The following MED13 variants were observed in gnomAD, a reference collection of about 807,000 sequenced individuals.
MED13 encodes the protein mediator complex subunit 13, also known as mediator of RNA polymerase II transcription subunit 13.
In MED13, 23 loss-of-function variants were observed where a neutral mutation model predicts 225.2. The observed-to-expected ratio is 0.10, with a 90% CI of 0.07 to 0.14. The LOEUF (loss-of-function observed/expected upper bound fraction) is 0.14. Among genes scored for constraint, MED13 ranks in the 10% least tolerant of loss-of-function variants. The pLI is 1.00. For missense variants in MED13, 2,197 were observed against 2,594.5 expected (o/e 0.85, Z 3.33); for synonymous variants, 942 against 889.2 (o/e 1.06, Z -1.06).
intron 3 of MED13, among the ~76,000 whole-genome samples, chr17:62,048,043 C>CATATACATATACATATACAT (rs776069700): frequency 1.7e-3 from 222 of 131,130 alleles, no homozygotes; most frequent in Middle Eastern, 0.012. Context: ...TATACATATA[C>CATATACATATACATATACAT]ATATATATAT....
At chr17:62,008,094 G>T (rs529677641) in intron 9 of MED13, among the ~76,000 whole-genome samples, 3 of 150,192 alleles carry the variant, frequency 2.0e-5, no homozygotes, top group Non-Finnish European at 4.4e-5. Flanking sequence ...GGGGCGGGCG[G>T]ATCATGAGGT....
At chr17:62,022,364 AAAGC>A (rs1474832279) in intron 8 of MED13, among the ~76,000 whole-genome samples, 1 of 151,794 alleles carries the variant, frequency 6.6e-6, no homozygotes, top group East Asian at 1.9e-4. Flanking sequence ...CTTTTTTTTT[AAAGC>A]AAGCACAAGC....
intron 9 of MED13, chr17:62,005,004 A>T (rs2080432954): frequency 6.7e-6 from 1 of 150,256 alleles, no homozygotes; most frequent in East Asian, 2.0e-4. Flanking sequence ...TGTTCAAACG[A>T]TTCTCCTTAG....
chr17:62,065,136 T>C lies in MED13; in HGVS notation c.66+4A>G. 6 of 1,561,238 alleles carry C rather than the reference T, an allele frequency of 3.8e-6. No individual in the cohort carries two copies. Among genetic ancestry groups the C allele is most frequent in the Non-Finnish European group, 4.3e-6 (5 of 1,155,696 alleles). On this transcript the variant is annotated splice_donor_region_variant and intron_variant, in intron 1 of 29. Coordinates refer to ENST00000397786, the MANE Select transcript of MED13 (RefSeq NM_005121.3). Reference sequence around the variant, plus strand: ...CCTCGGCGCCCGCCGGCCCCGGCACTCACCAGGCAGAAGAGGTTACAGTGA... The same window carrying C: ...CCTCGGCGCCCGCCGGCCCCGGCACCCACCAGGCAGAAGAGGTTACAGTGA...
In MED13 at chr17:61,952,571, C is replaced by T. The variant is rs191946372; in HGVS notation, c.6117+394G>A. Among the ~76,000 whole-genome samples the T allele has an allele frequency of 1.7e-3, 265 of 152,254 alleles. No homozygotes were observed. The Middle Eastern group carries it at 0.034, about 20-fold the overall frequency. ...TCTTAAAAATGTGCAATTCAAAGTACTGATGTCCATGATGTAGAAATGCAT... is the reference window on the plus strand; with the variant it reads ...TCTTAAAAATGTGCAATTCAAAGTATTGATGTCCATGATGTAGAAATGCAT... On this transcript the variant is annotated intron_variant, in intron 27 of 29. Coordinates refer to ENST00000397786, the MANE Select transcript of MED13 (RefSeq NM_005121.3).
intron 16 of MED13, among the ~76,000 whole-genome samples, chr17:61,973,110 G>A (rs745815737): frequency 1.3e-5 from 2 of 152,104 alleles, no homozygotes; most frequent in Admixed American, 6.6e-5. Context: ...AAAAGTTACT[G>A]TAACTTATTT....
intron 11 of MED13, among the ~76,000 whole-genome samples, chr17:61,990,106 G>A (rs2080282217): frequency 6.6e-6 from 1 of 152,064 alleles, no homozygotes; most frequent in Admixed American, 6.6e-5. Context: ...ACCAGAAGAT[G>A]ACTTACTTTG....
At chr17:61,955,978 G>A (rs900007484) in intron 24 of MED13, 140 bp from the exon 25 acceptor site, 32 of 1,301,808 alleles carry the variant, frequency 2.5e-5, no homozygotes, top group African/African-American at 4.6e-5. Flanking sequence ...CCTCCAACAC[G>A]AGTCATCATC....
chr17:61,984,963 C>A, intron 13 of MED13, 37 bp downstream of exon 13: 3 of 1,604,542 alleles, frequency 1.9e-6, no homozygotes, highest in Admixed American at 3.4e-5. Context: ...ATTAAAAGTT[C>A]GCAAATTTAT....
intron 16 of MED13, among the ~76,000 whole-genome samples, chr17:61,981,650 T>C (rs1451519298): frequency 1.3e-5 from 2 of 152,250 alleles, no homozygotes; most frequent in Non-Finnish European, 2.9e-5. Context: ...AGTTTTCCCA[T>C]ATGCTATCTC....
At chr17:61,959,627 G>T (rs1182567500) in intron 23 of MED13, among the ~76,000 whole-genome samples, 1 of 150,858 alleles carries the variant, frequency 6.6e-6, no homozygotes, top group South Asian at 2.1e-4. Flanking sequence ...CACCATTAAA[G>T]ACCTAATAAT....
rs1185867870 is a variant in MED13, at chr17:61,965,106, C to A, written c.4744G>T (p.Gly1582Cys). The change falls in exon 20 of 30, where the codon GGT becomes TGT. Residue 1582 changes from glycine to cysteine, a missense_variant. This residue lies in a region of MED13 where 457 missense variants were observed against 442.2 expected (regional missense o/e 1.03). Coordinates refer to ENST00000397786, the MANE Select transcript of MED13 (RefSeq NM_005121.3). ...MSTQANTVQSGQLGGQQTSAL... is the reference protein window; with the variant it reads ...MSTQANTVQSCQLGGQQTSAL... ...GATGTCTGTTGCCCTCCTAGCTGAC[C>A]ACTCTGAACTGTATTTGCTTGTGTA... The A allele has an allele frequency of 6.2e-7, 1 of 1,614,076 alleles. No homozygotes were observed. Among genetic ancestry groups the A allele is most frequent in the Non-Finnish European group, 8.5e-7 (1 of 1,180,038 alleles).
At chr17:62,018,504 A>C (rs1010112919) in intron 8 of MED13, among the ~76,000 whole-genome samples, 3 of 152,188 alleles carry the variant, frequency 2.0e-5, no homozygotes, top group African/African-American at 7.2e-5. Context: ...CAGGAGTTCA[A>C]GACCAGGCTG....
At chr17:61,981,731 C>CT (rs1477904444) in intron 16 of MED13, among the ~76,000 whole-genome samples, 1 of 152,190 alleles carries the variant, frequency 6.6e-6, no homozygotes, top group Non-Finnish European at 1.5e-5. Context: ...TTTTACTCTG[C>CT]TTTTCCTCCA....
rs776069700 is a variant in MED13 at position 62,048,043 on chromosome 17, C to CATATACATATACATATAT, written c.470+4493_470+4494insATATATGTATATGTATAT. On this transcript the variant is annotated intron_variant, in intron 3 of 29. Transcript: ENST00000397786. The stretch of plus-strand genomic sequence containing the variant: ...ATATATACATATACATATACATATA[C>CATATACATATACATATAT]ATATATATATATATATATATGTATA... 3.3e-4 allele frequency among the ~76,000 whole-genome samples: 43 copies of CATATACATATACATATAT among 131,140 alleles called. 1 individual carries two copies. The highest frequency in any genetic ancestry group is 1.1e-3 in the African/African-American group (38 of 35,826). The allele number at this position is 131,140 out of a possible 152,430, so 86.0% of individuals were successfully genotyped here.
At position 61,942,751 on chromosome 17, in the gene MED13, C is replaced by CCTTATTCTCTTTTTGT. The variant is rs1177252039; in HGVS notation, c.*3701_*3716dup. The CCTTATTCTCTTTTTGT allele has an allele frequency of 1.3e-5, 2 of 150,938 alleles. No individual in the cohort carries two copies. The highest frequency in any genetic ancestry group is 3.0e-5 in the Non-Finnish European group (2 of 67,702). 9.3% of individuals were successfully genotyped at this position (150,938 alleles called of 1,614,324 possible). Reference sequence around the variant, plus strand: ...GCATTCGGCAGCAATAGTGTTTGTTCCTTATTCTCTTTTTGTCACGTTAAA... The same window carrying CCTTATTCTCTTTTTGT: ...GCATTCGGCAGCAATAGTGTTTGTTCCTTATTCTCTTTTTGTCTTATTCTCTTTTTGTCACGTTAAA... On this transcript the variant is annotated 3_prime_UTR_variant, in exon 30 of 30. Coordinates refer to ENST00000397786, the MANE Select transcript of MED13 (RefSeq NM_005121.3).
rs548219437 is a variant in MED13 at position 61,982,165 on chromosome 17, CA to C, written c.3805+32del. 120 of 1,556,418 alleles carry C rather than the reference CA, an allele frequency of 7.7e-5. No individual in the cohort carries two copies. The African/African-American group carries it at 1.6e-3, about 21-fold the overall frequency. Reference sequence around the variant, plus strand: ...AAGAATGTAACTAAAGGGAAATAAGCAAACAAAAAAGTATTTTATTGGCATA... The same window carrying C: ...AAGAATGTAACTAAAGGGAAATAAGCAACAAAAAAGTATTTTATTGGCATA... On this transcript the variant is annotated intron_variant, in intron 16 of 29. Transcript: ENST00000397786.
intron 8 of MED13, among the ~76,000 whole-genome samples, chr17:62,016,209 C>A (rs184893864): frequency 6.7e-6 from 1 of 148,282 alleles, no homozygotes; most frequent in Non-Finnish European, 1.5e-5. Flanking sequence ...TCCTACCCAA[C>A]GTATGAATAA....
At chr17:61,986,013 T>C (rs538446429) in intron 12 of MED13, among the ~76,000 whole-genome samples, 1 of 152,186 alleles carries the variant, frequency 6.6e-6, no homozygotes, top group Non-Finnish European at 1.5e-5. Context: ...GAGCTAACAT[T>C]TGTTCCATGT....
Sources: gnomAD v4.1 joint callset for allele counts (sites outside exome capture counted in the v4.1 genomes callset) on GRCh38, gnomAD v4.1.1 for gene constraint, gnomAD v4.1.1 regional missense constraint, MANE v1.5 for transcripts, NCBI Gene and HGNC (gene_info 2026-07-23, HGNC 2026-07-21) for gene names.